Variants in DCC observed in about 807,000 individuals in gnomAD.
The protein encoded by DCC is netrin receptor DCC.
DCC carries 58 observed loss-of-function variants against 172.5 expected under a neutral mutation model. The ratio of observed to expected loss-of-function variants is 0.34; its 90% CI spans 0.27 to 0.42. The LOEUF (loss-of-function observed/expected upper bound fraction) is 0.42. DCC is among the 10% of genes least tolerant of loss of function. DCC has a pLI of 1.00. For synonymous variants in DCC, 709 were observed against 644.5 expected (o/e 1.10, Z -1.52); for missense variants, 1,740 against 1,791.0 (o/e 0.97, Z 0.51).
At chr18:52,924,565 G>T (rs1316366759) in intron 4 of DCC, among the ~76,000 whole-genome samples, 1 of 152,014 alleles carries the variant, frequency 6.6e-6, no homozygotes, top group Admixed American at 6.6e-5. Context: ...GGAATACTTA[G>T]TCTTTCTGAT....
At chr18:53,098,368 G>A (rs1428216738) in intron 7 of DCC, among the ~76,000 whole-genome samples, 1 of 152,028 alleles carries the variant, frequency 6.6e-6, no homozygotes, top group Non-Finnish European at 1.5e-5. Flanking sequence ...GTAAGATCCA[G>A]GATCATTCAT....
chr18:52,694,318 G>A, intron 1 of DCC, among the ~76,000 whole-genome samples: 1 of 152,100 alleles, frequency 6.6e-6, no homozygotes, highest in East Asian at 1.9e-4. Context: ...TGCAATGTGT[G>A]ATTCCTGATT....
At chr18:52,357,705 A>G (rs1051825017) in intron 1 of DCC, among the ~76,000 whole-genome samples, 2 of 151,950 alleles carry the variant, frequency 1.3e-5, no homozygotes, top group Admixed American at 1.3e-4. Context: ...CAGTAGAAAA[A>G]TTGGCCGGAT....
At chr18:52,505,374 G>C (rs1452864283) in intron 1 of DCC, among the ~76,000 whole-genome samples, 1 of 152,150 alleles carries the variant, frequency 6.6e-6, no homozygotes, top group East Asian at 1.9e-4. Flanking sequence ...AGAAGGTAAT[G>C]GAATTGCCCA....
chr18:52,947,863 C>T (rs563045595), intron 5 of DCC, among the ~76,000 whole-genome samples: 1 of 152,230 alleles, frequency 6.6e-6, no homozygotes, highest in African/African-American at 2.4e-5. Context: ...AATTTCAAAC[C>T]TTGAGGAGAG....
chr18:53,438,039 A>G lies in DCC; in HGVS notation c.3229+2830A>G, dbSNP rs1223382829. 4.6e-5 allele frequency among the ~76,000 whole-genome samples: 7 copies of G among 152,352 alleles called. No individual in the cohort carries two copies. The East Asian group carries it at 1.2e-3, about 25-fold the overall frequency. On this transcript the variant is annotated intron_variant, in intron 22 of 28. Transcript: ENST00000442544. ...GGGAGAAACATAATTGTTGTATTTTATACCCTGAGATACAGAGCTTCTGAC... is the reference window on the plus strand; with the variant it reads ...GGGAGAAACATAATTGTTGTATTTTGTACCCTGAGATACAGAGCTTCTGAC...
At chr18:52,850,989 T>C (rs1275094668) in intron 2 of DCC, among the ~76,000 whole-genome samples, 1 of 152,178 alleles carries the variant, frequency 6.6e-6, no homozygotes, top group East Asian at 1.9e-4. Context: ...TTGAAAGTTC[T>C]TATGTTTCTA....
intron 1 of DCC, among the ~76,000 whole-genome samples, chr18:52,471,889 C>G (rs1367205860): frequency 6.6e-6 from 1 of 152,100 alleles, no homozygotes; most frequent in Non-Finnish European, 1.5e-5. Context: ...GATATTCTGT[C>G]TTATGTGAAG....
At chr18:53,205,866 A>G (rs1228435640) in intron 10 of DCC, among the ~76,000 whole-genome samples, 2 of 151,986 alleles carry the variant, frequency 1.3e-5, no homozygotes, top group African/African-American at 4.8e-5. Context: ...TTCTCCTTAC[A>G]TTTTGCTCCT....
At chr18:53,354,582 T>C (rs1455984083) in intron 15 of DCC, among the ~76,000 whole-genome samples, 1 of 152,208 alleles carries the variant, frequency 6.6e-6, no homozygotes, top group African/African-American at 2.4e-5. Context: ...TGTCTGTTCA[T>C]ATCCTTCGCC....
intron 15 of DCC, 114 bp from the exon 16 acceptor site, chr18:53,385,929 A>G (rs1908131095): frequency 2.6e-6 from 2 of 775,860 alleles, no homozygotes; most frequent in Admixed American, 4.0e-5. Flanking sequence ...ACTCATTCTT[A>G]AACAATTTAC....
At chr18:53,248,580 G>A (rs889281549) in intron 12 of DCC, among the ~76,000 whole-genome samples, 6 of 152,106 alleles carry the variant, frequency 3.9e-5, no homozygotes, top group East Asian at 1.9e-4. Context: ...GGAAAATAGC[G>A]AAGAACGAAA....
chr18:52,569,006 C>T (rs139197172), intron 1 of DCC, among the ~76,000 whole-genome samples: 10 of 152,260 alleles, frequency 6.6e-5, no homozygotes, highest in African/African-American at 9.6e-5. Flanking sequence ...ACTTACCATA[C>T]GTGCTGACTG....
At chr18:53,380,318 A>C (rs17504647) in intron 15 of DCC, among the ~76,000 whole-genome samples, 69,647 of 151,974 alleles carry the variant, frequency 0.46, 16,901 homozygotes, top group Non-Finnish European at 0.54. Flanking sequence ...GAAAACCCTC[A>C]TTCTCTCTTG....
intron 2 of DCC, among the ~76,000 whole-genome samples, chr18:52,837,397 A>T (rs761561487): frequency 2.0e-4 from 31 of 152,198 alleles, no homozygotes; most frequent in Non-Finnish European, 4.0e-4. Flanking sequence ...CTGTTCTTGA[A>T]TGCTTTGCAG....
chr18:52,675,499 T>G (rs1219618317), intron 1 of DCC, among the ~76,000 whole-genome samples: 1 of 152,172 alleles, frequency 6.6e-6, no homozygotes, highest in Non-Finnish European at 1.5e-5. Context: ...TATATTTAAT[T>G]GAAGTCTCAT....
chr18:52,654,080 G>T (rs1189825406), intron 1 of DCC, among the ~76,000 whole-genome samples: 1 of 152,040 alleles, frequency 6.6e-6, no homozygotes, highest in African/African-American at 2.4e-5. Flanking sequence ...ACCCTTATTT[G>T]GAAACCTTAA....
intron 1 of DCC, among the ~76,000 whole-genome samples, chr18:52,423,177 CTGCCTGTAG>C (rs757606248): frequency 2.9e-4 from 44 of 152,300 alleles, no homozygotes; most frequent in Non-Finnish European, 6.0e-4. Context: ...TGTTGCTCTT[CTGCCTGTAG>C]GTGGCTAACA....
chr18:53,502,305 G>T (rs765352238), intron 27 of DCC, among the ~76,000 whole-genome samples: 1 of 152,014 alleles, frequency 6.6e-6, no homozygotes, highest in Admixed American at 6.6e-5. Context: ...TTTTCCTTTA[G>T]TGTTTCTCTC....
Sources: gnomAD v4.1 joint callset for allele counts (sites outside exome capture counted in the v4.1 genomes callset) on GRCh38, gnomAD v4.1.1 for gene constraint, MANE v1.5 for transcripts, NCBI Gene and HGNC (gene_info 2026-07-23, HGNC 2026-07-21) for gene names.